Variants in SOX5 observed in about 807,000 individuals in gnomAD.
SOX5 encodes the protein SRY-box transcription factor 5, also known as transcription factor SOX-5.
In SOX5, 9 loss-of-function variants were observed where a neutral mutation model predicts 92.0. That is an observed-to-expected ratio of 0.10 (90% CI 0.06 to 0.17). The LOEUF (loss-of-function observed/expected upper bound fraction) is 0.17. SOX5 is among the 10% of genes least tolerant of loss of function. SOX5 has a pLI of 1.00. For synonymous variants in SOX5, 344 were observed against 336.3 expected, an observed-to-expected ratio of 1.02 and a Z score of -0.25; for missense variants, 642 against 944.5, an observed-to-expected ratio of 0.68 and a Z score of 4.20.
At chr12:24,529,211 G>A (rs1365957104) in intron 1 of SOX5, among the ~76,000 whole-genome samples, 1 of 152,170 alleles carries the variant, frequency 6.6e-6, no homozygotes. Flanking sequence ...CAATGAATAT[G>A]GAGAGAATAA....
chr12:23,573,226 G>A (rs1181010990), intron 10 of SOX5, among the ~76,000 whole-genome samples: 1 of 151,906 alleles, frequency 6.6e-6, no homozygotes, highest in South Asian at 2.1e-4. Flanking sequence ...TCTCTACTTA[G>A]CCTTCTCAAA....
Position 23,530,104 on chromosome 12 carries a change from C to T in SOX5, c.*4115G>A, listed in dbSNP as rs1419309983. 6.6e-6 allele frequency: 1 copy of T among 152,186 alleles called. No homozygotes were observed. The highest frequency in any genetic ancestry group is 1.5e-5 in the Non-Finnish European group (1 of 68,028). 9.4% of individuals were successfully genotyped at this position (152,186 alleles called of 1,614,324 possible). ...GCCTGGCTAAACCAACAGCTATGCC[C>T]TACAAGACAAAGGGATACCTGAACC... is the stretch of plus-strand genomic sequence containing the variant. On this transcript the variant is annotated 3_prime_UTR_variant, in exon 15 of 15. Transcript: ENST00000451604.
chr12:24,474,900 A>G (rs1367460062), intron 1 of SOX5, among the ~76,000 whole-genome samples: 7 of 151,612 alleles, frequency 4.6e-5, no homozygotes, highest in Admixed American at 4.6e-4. Context: ...CCCAGGCTGG[A>G]GTGCAGTGGC....
At chr12:23,844,297 G>T (rs12818673) in intron 3 of SOX5, among the ~76,000 whole-genome samples, 46,780 of 152,102 alleles carry the variant, frequency 0.31, 7,882 homozygotes, top group Middle Eastern at 0.42. Flanking sequence ...TTTACTGAAT[G>T]TGTATTGCTT....
intron 1 of SOX5, among the ~76,000 whole-genome samples, chr12:23,933,067 A>C (rs1206547851): frequency 1.3e-5 from 2 of 151,808 alleles, no homozygotes; most frequent in East Asian, 3.9e-4. Context: ...GACTTGTATT[A>C]GATCCCCTTT....
intron 4 of SOX5, among the ~76,000 whole-genome samples, chr12:23,976,261 C>G (rs1044917938): frequency 5.3e-5 from 8 of 151,126 alleles, no homozygotes; most frequent in African/African-American, 1.9e-4. Flanking sequence ...GAAACAGATA[C>G]CAGACAGTTG....
At chr12:24,305,038 T>G (rs544862767) in intron 2 of SOX5, among the ~76,000 whole-genome samples, 1 of 152,266 alleles carries the variant, frequency 6.6e-6, no homozygotes, top group East Asian at 1.9e-4. Flanking sequence ...ATGACGATGA[T>G]CAAAGGGAAG....
Position 24,251,567 on chromosome 12 carries a change from TTTTTG to T in SOX5, c.-77+25644_-77+25648del, listed in dbSNP as rs544454544. 6.3e-3 allele frequency among the ~76,000 whole-genome samples: 911 copies of T among 145,306 alleles called. 13 individuals carry two copies. The highest frequency in any genetic ancestry group is 0.022 in the African/African-American group (870 of 39,882). ...CCTATTGAACTAGGATGGTTAGGGT[TTTTTG>T]TTTTTTTTTTTTTCTTCAGATGAAG... On this transcript the variant is annotated intron_variant, in intron 3 of 4. Coordinates refer to the SOX5 transcript ENST00000446891.
intron 5 of SOX5, 37 bp downstream of exon 5, chr12:23,740,830 T>C (rs1157353495): frequency 1.3e-5 from 20 of 1,559,708 alleles, no homozygotes; most frequent in Non-Finnish European, 1.7e-5. Context: ...CAAAGTAATG[T>C]CTGAGGAATA....
At chr12:24,326,128 A>G (rs1180494174) in intron 2 of SOX5, among the ~76,000 whole-genome samples, 1 of 152,200 alleles carries the variant, frequency 6.6e-6, no homozygotes, top group African/African-American at 2.4e-5. Context: ...ACTTCTGTAC[A>G]GCATCTGGCA....
chr12:24,380,664 C>T (rs905715704), intron 1 of SOX5, among the ~76,000 whole-genome samples: 7 of 152,076 alleles, frequency 4.6e-5, no homozygotes, highest in Non-Finnish European at 1.0e-4. Context: ...AACTCCATCG[C>T]TGGGCTGAGC....
At position 23,764,883 on chromosome 12, in the gene SOX5, T is replaced by C. The variant is rs77270161; in HGVS notation, c.482-9159A>G. Reference sequence around the variant, plus strand: ...CTGATAAAGCACTACACATCCTGAATCTTCTCCATCACAACATATGTGAAA... The same window carrying C: ...CTGATAAAGCACTACACATCCTGAACCTTCTCCATCACAACATATGTGAAA... On this transcript the variant is annotated intron_variant, in intron 3 of 14. Coordinates refer to ENST00000451604, the MANE Select transcript of SOX5 (RefSeq NM_006940.6). Among the ~76,000 whole-genome samples, 1,121 of 152,138 alleles carry C rather than the reference T, an allele frequency of 7.4e-3. 20 individuals carry two copies. The highest frequency in any genetic ancestry group is 0.025 in the African/African-American group (1,032 of 41,540).
intron 7 of SOX5, among the ~76,000 whole-genome samples, chr12:23,650,426 T>C (rs1434269325): frequency 8.5e-5 from 13 of 152,114 alleles, no homozygotes; most frequent in Admixed American, 8.5e-4. Flanking sequence ...CCTTCTCAGA[T>C]TGGTACTGAG....
At chr12:23,697,923 T>G (rs1029680784) in intron 6 of SOX5, among the ~76,000 whole-genome samples, 4 of 152,206 alleles carry the variant, frequency 2.6e-5, no homozygotes, top group Non-Finnish European at 4.4e-5. Context: ...GTTTTCTATT[T>G]ATCTCTTTTG....
At chr12:24,212,600 C>T in intron 4 of SOX5, 1 of 449,354 alleles carries the variant, frequency 2.2e-6, no homozygotes, top group South Asian at 1.7e-5. Context: ...GTTGAAACAA[C>T]CAAGACACTT....
At chr12:23,990,124 T>C (rs1212471026) in intron 4 of SOX5, among the ~76,000 whole-genome samples, 1 of 151,932 alleles carries the variant, frequency 6.6e-6, no homozygotes, top group Non-Finnish European at 1.5e-5. Context: ...AAGATAGGTT[T>C]TGACAAATTA....
chr12:23,950,995 ACACACACACT>A, upstream of SOX5: 2 of 787,096 alleles, frequency 2.5e-6, no homozygotes, highest in Non-Finnish European at 4.2e-6. Flanking sequence ...ACACACACAC[ACACACACACT>A]CACTCACGCA....
intron 2 of SOX5, among the ~76,000 whole-genome samples, chr12:24,367,023 T>C (rs1298387324): frequency 6.6e-6 from 1 of 152,150 alleles, no homozygotes; most frequent in African/African-American, 2.4e-5. Context: ...GTGAAACAAA[T>C]TGAGATTTTG....
At chr12:24,410,738 G>A (rs548100316) in intron 1 of SOX5, among the ~76,000 whole-genome samples, 4 of 152,172 alleles carry the variant, frequency 2.6e-5, no homozygotes, top group Non-Finnish European at 5.9e-5. Context: ...CTGGAACTGG[G>A]TAGATTATTC....
Sources: gnomAD v4.1 joint callset for allele counts (sites outside exome capture counted in the v4.1 genomes callset) on GRCh38, gnomAD v4.1.1 for gene constraint, MANE v1.5 for transcripts, NCBI Gene and HGNC (gene_info 2026-07-23, HGNC 2026-07-21) for gene names.